Variants in CTNNA3 observed in about 807,000 individuals in gnomAD.
CTNNA3 encodes the protein catenin alpha 3, also known as catenin alpha-3.
In CTNNA3, 76 loss-of-function variants were observed where a neutral mutation model predicts 95.7. The ratio of observed to expected loss-of-function variants is 0.79; its 90% CI spans 0.66 to 0.96. The LOEUF (loss-of-function observed/expected upper bound fraction) is 0.96, where lower values mean the gene tolerates loss of function less well. CTNNA3 is among the 40% of genes least tolerant of loss of function. CTNNA3 has a pLI of 0.00. For synonymous variants in CTNNA3, 431 were observed against 374.4 expected, an observed-to-expected ratio of 1.15 and a Z score of -1.74; for missense variants, 1,191 against 1,089.8, an observed-to-expected ratio of 1.09 and a Z score of -1.31.
intron 13 of CTNNA3, among the ~76,000 whole-genome samples, chr10:66,201,854 T>C (rs1277604961): frequency 7.0e-6 from 1 of 143,826 alleles, no homozygotes; most frequent in African/African-American, 2.6e-5. Context: ...AGTGGTGTGA[T>C]CTCGGCTCCC....
chr10:67,113,397 C>A (rs772359537), intron 7 of CTNNA3, among the ~76,000 whole-genome samples: 48 of 151,974 alleles, frequency 3.2e-4, no homozygotes, highest in Non-Finnish European at 6.3e-4. Context: ...TGTGGAAAAA[C>A]CCACAGATAC....
chr10:67,689,170 C>T (rs1840793430), intron 1 of CTNNA3, among the ~76,000 whole-genome samples: 1 of 152,106 alleles, frequency 6.6e-6, no homozygotes, highest in Non-Finnish European at 1.5e-5. Context: ...GACGGACATA[C>T]CCTGAGAGAG....
At chr10:66,264,555 A>G (rs1018890512) in intron 13 of CTNNA3, among the ~76,000 whole-genome samples, 1 of 152,040 alleles carries the variant, frequency 6.6e-6, no homozygotes, top group Non-Finnish European at 1.5e-5. Context: ...CATGTAAAAT[A>G]TAAATATATT....
intron 6 of CTNNA3, among the ~76,000 whole-genome samples, chr10:67,195,354 A>C (rs575621247): frequency 6.6e-6 from 1 of 152,086 alleles, no homozygotes; most frequent in East Asian, 1.9e-4. Context: ...AGTCAGAAAA[A>C]CTGAACATGA....
intron 5 of CTNNA3, among the ~76,000 whole-genome samples, chr10:67,249,395 T>C (rs1001854482): frequency 5.3e-5 from 8 of 152,148 alleles, no homozygotes; most frequent in South Asian, 4.1e-4. Context: ...TAAAATGGCA[T>C]AATATTTACA....
intron 5 of CTNNA3, among the ~76,000 whole-genome samples, chr10:67,445,947 C>T (rs576196778): frequency 6.6e-6 from 1 of 152,272 alleles, no homozygotes; most frequent in South Asian, 2.1e-4. Flanking sequence ...TGGTACATGA[C>T]AGATGCTCAA....
intron 7 of CTNNA3, among the ~76,000 whole-genome samples, chr10:67,049,570 CA>C (rs1437499058): frequency 6.6e-6 from 1 of 152,128 alleles, no homozygotes; most frequent in Non-Finnish European, 1.5e-5. Context: ...GTTTATTTCA[CA>C]AGGTTGCTTT....
At chr10:66,290,097 ATAG>A (rs1345806500) in intron 12 of CTNNA3, among the ~76,000 whole-genome samples, 1 of 152,030 alleles carries the variant, frequency 6.6e-6, no homozygotes, top group Non-Finnish European at 1.5e-5. Context: ...GGAAAGAAGG[ATAG>A]TAGTAGGAGA....
chr10:66,331,764 AG>A lies in CTNNA3; in HGVS notation c.1732+47387del, dbSNP rs1305124869. ...GCCTCTGGCTTTGTTCTTTTGGCTT[AG>A]GATTGACTTGGCAATGCGGGCTCTT... On this transcript the variant is annotated intron_variant, in intron 12 of 17. Coordinates refer to ENST00000433211, the MANE Select transcript of CTNNA3 (RefSeq NM_013266.4). Among the ~76,000 whole-genome samples the A allele has an allele frequency of 2.0e-5, 3 of 152,064 alleles. No individual in the cohort carries two copies. In the East Asian group the frequency reaches 5.8e-4, roughly 29 times the overall value.
At chr10:66,914,938 T>G (rs1030217711) in intron 7 of CTNNA3, among the ~76,000 whole-genome samples, 14 of 151,964 alleles carry the variant, frequency 9.2e-5, no homozygotes, top group African/African-American at 3.4e-4. Context: ...AAATTTGTAA[T>G]AAATAAATAA....
At chr10:66,980,240 A>C (rs1036160702) in intron 7 of CTNNA3, among the ~76,000 whole-genome samples, 6 of 152,184 alleles carry the variant, frequency 3.9e-5, no homozygotes, top group Admixed American at 2.6e-4. Context: ...GTCAATTACT[A>C]ATTTAGAGAC....
At chr10:67,390,953 T>C (rs1054903220) in intron 5 of CTNNA3, among the ~76,000 whole-genome samples, 1 of 152,150 alleles carries the variant, frequency 6.6e-6, no homozygotes, top group Non-Finnish European at 1.5e-5. Context: ...AATATCATAC[T>C]GAATGGGCAA....
At position 66,737,114 on chromosome 10, in the gene CTNNA3, A is replaced by G. The variant is rs1356996812; in HGVS notation, c.1281+29150T>C. Among the ~76,000 whole-genome samples the G allele has an allele frequency of 2.0e-5, 3 of 150,776 alleles. No homozygotes were observed. The South Asian group carries it at 6.2e-4, about 31-fold the overall frequency. ...TCTTAAACCATTTCCTCTGATTAAC[A>G]AATTTATGAAAAATACAAAAACATT... On this transcript the variant is annotated intron_variant, in intron 9 of 17. Coordinates refer to ENST00000433211, the MANE Select transcript of CTNNA3 (RefSeq NM_013266.4).
intron 6 of CTNNA3, among the ~76,000 whole-genome samples, chr10:67,181,818 A>C (rs1252153744): frequency 6.6e-6 from 1 of 151,988 alleles, no homozygotes; most frequent in East Asian, 2.0e-4. Flanking sequence ...TTATAGAAAA[A>C]GATATAGTTT....
intron 1 of CTNNA3, among the ~76,000 whole-genome samples, chr10:67,750,069 G>A (rs909107429): frequency 5.3e-5 from 8 of 152,166 alleles, no homozygotes; most frequent in East Asian, 3.9e-4. Context: ...TGAAGTCAGC[G>A]AGACTATGAA....
intron 7 of CTNNA3, among the ~76,000 whole-genome samples, chr10:67,072,436 A>G (rs1388122146): frequency 1.3e-5 from 2 of 152,154 alleles, no homozygotes; most frequent in East Asian, 3.9e-4. Flanking sequence ...TTGTATGTCT[A>G]CGTACTCTTT....
chr10:66,862,032 T>A (rs556285994), intron 7 of CTNNA3, among the ~76,000 whole-genome samples: 15 of 152,198 alleles, frequency 9.9e-5, no homozygotes, highest in Non-Finnish European at 1.9e-4. Flanking sequence ...CAGACTGATA[T>A]GGTGAAAAAC....
intron 7 of CTNNA3, among the ~76,000 whole-genome samples, chr10:66,984,598 C>T (rs985693849): frequency 9.9e-5 from 15 of 152,044 alleles, no homozygotes; most frequent in African/African-American, 2.9e-4. Context: ...CTTCTCAATG[C>T]GTTCATGATT....
chr10:67,367,435 C>T (rs1843257955), intron 5 of CTNNA3, among the ~76,000 whole-genome samples: 1 of 151,632 alleles, frequency 6.6e-6, no homozygotes, highest in Non-Finnish European at 1.5e-5. Flanking sequence ...GTGAAGGCTA[C>T]AGAGAAAAGT....
Sources: allele counts gnomAD v4.1 joint callset (sites outside exome capture counted in the v4.1 genomes callset), GRCh38; gene constraint gnomAD v4.1.1; transcripts MANE v1.5; gene names NCBI Gene and HGNC (gene_info 2026-07-23, HGNC 2026-07-21).